Variants in PGAP4 observed in about 807,000 individuals in gnomAD.
PGAP4 encodes the protein GPI-N-acetylgalactosamine transferase PGAP4.
In PGAP4, 12 loss-of-function variants were observed where a neutral mutation model predicts 28.2. The ratio of observed to expected loss-of-function variants is 0.42; its 90% CI spans 0.27 to 0.69. The LOEUF is 0.69. PGAP4 is among the 30% of genes least tolerant of loss of function. The pLI, the probability that PGAP4 is intolerant of heterozygous loss-of-function variation, is 0.22. For missense variants in PGAP4, 425 were observed against 513.5 expected (o/e 0.83, Z 1.67); for synonymous variants, 205 against 211.8 (o/e 0.97, Z 0.28).
At chr9:101,523,619 CTTTTTTTTTTTTTTTTTT>C (rs71356369) in intron 2 of PGAP4, among the ~76,000 whole-genome samples, 42 of 59,356 alleles carry the variant, frequency 7.1e-4, no homozygotes, top group African/African-American at 1.6e-3. Context: ...CTTCTTGTAT[CTTTTTTTTTTTTTTTTTT>C]TTTTTTTTTT....
chr9:101,524,984 T>C (rs1286147507), intron 2 of PGAP4, among the ~76,000 whole-genome samples: 1 of 152,232 alleles, frequency 6.6e-6, no homozygotes, highest in African/African-American at 2.4e-5. Flanking sequence ...GCCTCCCATC[T>C]GCCCTGATGA....
chr9:101,495,164 ATATATATTATATATAT>A (rs1826728366), intron 2 of PGAP4, among the ~76,000 whole-genome samples: 4 of 97,388 alleles, frequency 4.1e-5, no homozygotes, highest in Admixed American at 3.2e-4. Flanking sequence ...TATATATTTT[ATATATATTATATATAT>A]TTTTTGTATA....
At position 101,482,189 on chromosome 9, in the gene PGAP4, G is replaced by A. The variant is rs530055035; in HGVS notation, c.-78+4760C>T. Among the ~76,000 whole-genome samples the A allele has an allele frequency of 5.9e-5, 9 of 152,270 alleles. No homozygotes were observed. The East Asian group carries it at 7.7e-4, about 13-fold the overall frequency. ...TCAACCAGGCGCGGTGGCTCACACC[G>A]GTAATCCCACCACTTTGGGACGCCG... On this transcript the variant is annotated intron_variant, in intron 1 of 1. Transcript: ENST00000374848.
At chr9:101,529,862 C>G (rs1000129225) in intron 2 of PGAP4, among the ~76,000 whole-genome samples, 3 of 152,192 alleles carry the variant, frequency 2.0e-5, no homozygotes, top group African/African-American at 7.2e-5. Context: ...AGCATAATTA[C>G]AAAAGTAAGA....
At chr9:101,491,083 C>A (rs556578940), upstream of PGAP4, among the ~76,000 whole-genome samples, 32 of 152,084 alleles carry the variant, frequency 2.1e-4, no homozygotes, top group Non-Finnish European at 4.6e-4. Context: ...ATGGTAAGAC[C>A]ACTGAATTCC....
At chr9:101,487,564 G>GA (rs956756546), upstream of PGAP4, among the ~76,000 whole-genome samples, 32 of 152,270 alleles carry the variant, frequency 2.1e-4, no homozygotes, top group African/African-American at 7.2e-4. Context: ...TCCGAGGGAG[G>GA]AAAAATGTGG....
At chr9:101,504,783 A>G (rs766560169) in intron 2 of PGAP4, among the ~76,000 whole-genome samples, 17 of 151,964 alleles carry the variant, frequency 1.1e-4, no homozygotes. Flanking sequence ...CCTTCCCTTC[A>G]TTACTTTTAT....
In PGAP4 at chr9:101,476,502, T is replaced by C. The variant is rs762787272; in HGVS notation, c.591A>G (p.Ser197=). 7.4e-6 allele frequency: 12 copies of C among 1,614,058 alleles called. No homozygotes were observed. The Admixed American group carries it at 1.7e-4, about 22-fold the overall frequency. Residue 197 remains serine (S), a synonymous_variant, in exon 2 of 2, where the codon TCA becomes TCG. Coordinates refer to ENST00000374848, the MANE Select transcript of PGAP4 (RefSeq NM_032342.3). The surrounding 1 kb of genome is among the most constrained non-coding windows in gnomAD (Gnocchi z 7.0). ...AGTCTGGGTTGTAGGTCTGCAGGGA[T>C]GACTCCAGGCAATAGACATAGTCCT... ...EKQDYVYCLE[S]SLQTYNPDYV...
intron 1 of PGAP4, among the ~76,000 whole-genome samples, chr9:101,481,069 C>A (rs1052670897): frequency 6.6e-6 from 1 of 152,094 alleles, no homozygotes; most frequent in East Asian, 1.9e-4. Context: ...CCTAGCTACT[C>A]AGTAGGCTGA....
intron 2 of PGAP4, among the ~76,000 whole-genome samples, chr9:101,509,787 A>G (rs942800155): frequency 1.4e-4 from 21 of 152,106 alleles, no homozygotes; most frequent in Non-Finnish European, 2.6e-4. Flanking sequence ...TTCTCTATGG[A>G]TGACACGGTG....
At chr9:101,522,543 C>T (rs1351387876) in intron 2 of PGAP4, among the ~76,000 whole-genome samples, 2 of 152,138 alleles carry the variant, frequency 1.3e-5, no homozygotes, top group Non-Finnish European at 2.9e-5. Flanking sequence ...CCCCTGCTCA[C>T]TTTTGCTTTC....
chr9:101,500,479 A>C (rs116534630), intron 2 of PGAP4, among the ~76,000 whole-genome samples: 1 of 151,818 alleles, frequency 6.6e-6, no homozygotes, highest in African/African-American at 2.4e-5. Flanking sequence ...CGGATAATCC[A>C]GATAATCGCT....
chr9:101,498,035 C>A (rs978643552), intron 2 of PGAP4, among the ~76,000 whole-genome samples: 1 of 151,686 alleles, frequency 6.6e-6, no homozygotes, highest in Non-Finnish European at 1.5e-5. Context: ...ATGGCTAAAC[C>A]TTATTTGCCC....
At chr9:101,494,883 C>A (rs1826724624) in intron 2 of PGAP4, among the ~76,000 whole-genome samples, 1 of 150,872 alleles carries the variant, frequency 6.6e-6, no homozygotes, top group African/African-American at 2.4e-5. Context: ...GACCATTAGA[C>A]TTTTATAAAT....
chr9:101,489,358 T>C (rs1260253938), upstream of PGAP4, among the ~76,000 whole-genome samples: 3 of 152,112 alleles, frequency 2.0e-5, no homozygotes, highest in Non-Finnish European at 4.4e-5. Flanking sequence ...AATAACACAC[T>C]ACAACAGGAT....
At chr9:101,489,006 A>G (rs367832653), upstream of PGAP4, 1 of 152,202 alleles carries the variant, frequency 6.6e-6, no homozygotes, top group Non-Finnish European at 1.5e-5. Flanking sequence ...AAATAGTAAG[A>G]TCAAACACTT....
chr9:101,480,122 G>A (rs1404568062), intron 1 of PGAP4, among the ~76,000 whole-genome samples: 2 of 152,126 alleles, frequency 1.3e-5, no homozygotes, highest in African/African-American at 4.8e-5. Context: ...TCTGCTCACG[G>A]AGTATGGAAA....
intron 2 of PGAP4, among the ~76,000 whole-genome samples, chr9:101,518,248 T>C (rs1280508050): frequency 6.6e-6 from 1 of 152,202 alleles, no homozygotes; most frequent in Admixed American, 6.5e-5. Flanking sequence ...TATTCCATAG[T>C]GTATATGTAG....
rs906659781 is a variant in PGAP4, at chr9:101,486,781, G to C, written c.-78+168C>G. ...GCCGCTAGGCAACCCGCCTGCCCGA[G>C]GCGCACTGCCCGGGGCACAGGCCCT... On this transcript the variant is annotated intron_variant, in intron 1 of 1. Coordinates refer to ENST00000374848, the MANE Select transcript of PGAP4 (RefSeq NM_032342.3). This position sits in a 1 kb window ranked among gnomAD's most constrained non-coding sequence, Gnocchi z 4.7. 4.7e-4 allele frequency among the ~76,000 whole-genome samples: 72 copies of C among 152,314 alleles called. No homozygotes were observed. Among genetic ancestry groups the C allele is most frequent in the Admixed American group, 3.9e-4 (6 of 15,304 alleles).
Sources: gnomAD v4.1 joint callset for allele counts (sites outside exome capture counted in the v4.1 genomes callset) on GRCh38, gnomAD v4.1.1 for gene constraint, Gnocchi (gnomAD v3.1) non-coding constraint, MANE v1.5 for transcripts, NCBI Gene and HGNC (gene_info 2026-07-23, HGNC 2026-07-21) for gene names.